FGF9: variants seen among roughly 807,000 people sequenced by gnomAD.
FGF9 encodes the protein fibroblast growth factor 9 (glia-activating factor).
Under a neutral mutation model 19.9 loss-of-function variants are expected in FGF9, and 3 were observed. That is an observed-to-expected ratio of 0.15 (90% confidence interval 0.07 to 0.39). FGF9 has a LOEUF of 0.39. FGF9 is among the 10% of genes least tolerant of loss of function. The pLI, the probability that FGF9 is intolerant of heterozygous loss-of-function variation, is 1.00. For synonymous variants in FGF9, 107 were observed against 106.9 expected, an observed-to-expected ratio of 1.00 and a Z score of -0.01; for missense variants, 175 against 256.8, an observed-to-expected ratio of 0.68 and a Z score of 2.18.
chr13:21,671,875 T>TA lies in FGF9; in HGVS notation c.-37dup, dbSNP rs752566182. ...ATATCTCCTGGGTTGACACCATCAT[T>TA]ATTGTTTATTCTTGTGCTCCAAAAG... On this transcript the variant is annotated 5_prime_UTR_variant, in exon 1 of 3. Coordinates refer to ENST00000382353, the MANE Select transcript of FGF9 (RefSeq NM_002010.3). 6.9e-4 allele frequency: 1,119 copies of TA among 1,613,478 alleles called. 1 individual carries two copies. The highest frequency in any genetic ancestry group is 9.2e-4 in the Non-Finnish European group (1,085 of 1,179,566).
At chr13:21,697,669 G>A (rs759007783) in intron 2 of FGF9, among the ~76,000 whole-genome samples, 17 of 151,998 alleles carry the variant, frequency 1.1e-4, no homozygotes, top group Non-Finnish European at 1.0e-4. Flanking sequence ...ACAATTTCAT[G>A]TTTCATTCTT....
At chr13:21,700,123 C>T (rs1012945463) in intron 2 of FGF9, among the ~76,000 whole-genome samples, 1 of 151,966 alleles carries the variant, frequency 6.6e-6, no homozygotes, top group Non-Finnish European at 1.5e-5. Context: ...TGAACCCCAG[C>T]TTTCATAAAG....
chr13:21,694,289 C>T (rs574301952), intron 2 of FGF9, among the ~76,000 whole-genome samples: 123 of 152,172 alleles, frequency 8.1e-4, no homozygotes, highest in Non-Finnish European at 1.0e-3. Context: ...GTTAATCTTT[C>T]GTTTTCTGTC....
Position 21,695,083 on chromosome 13 carries a change from CGTGTGT to C in FGF9, c.382-6079_382-6074del, listed in dbSNP as rs59076902. ...GAAGATGTGTGCGTGTGTGTGTGTGCGTGTGTGTGTGTGTGTGTGTGTGTGTGTGTG... is the reference window on the plus strand; with the variant it reads ...GAAGATGTGTGCGTGTGTGTGTGTGCGTGTGTGTGTGTGTGTGTGTGTGTG... On this transcript the variant is annotated intron_variant, in intron 2 of 2. Transcript: ENST00000382353. Among the ~76,000 whole-genome samples, 519 of 137,230 alleles carry C rather than the reference CGTGTGT, an allele frequency of 3.8e-3. 3 individuals are homozygous for C. The highest frequency in any genetic ancestry group is 0.013 in the African/African-American group (461 of 36,422). 90.0% of individuals were successfully genotyped at this position (137,230 alleles called of 152,430 possible).
intron 1 of FGF9, among the ~76,000 whole-genome samples, chr13:21,675,667 A>T (rs1425333911): frequency 1.3e-5 from 2 of 152,188 alleles, no homozygotes; most frequent in African/African-American, 4.8e-5. Flanking sequence ...AGAAAAGAGT[A>T]ACTGTAGGTG....
At chr13:21,692,710 C>T (rs2138143376) in intron 2 of FGF9, among the ~76,000 whole-genome samples, 1 of 152,278 alleles carries the variant, frequency 6.6e-6, no homozygotes, top group Non-Finnish European at 1.5e-5. Flanking sequence ...GACAGAAATG[C>T]TGTACTCACA....
chr13:21,680,176 C>G (rs1162198145), intron 1 of FGF9, among the ~76,000 whole-genome samples: 2 of 152,054 alleles, frequency 1.3e-5, no homozygotes, highest in Admixed American at 6.5e-5. Flanking sequence ...ATACAGCATT[C>G]CATGCCTACT....
At chr13:21,685,102 C>CA (rs1372556079) in intron 2 of FGF9, among the ~76,000 whole-genome samples, 1 of 152,070 alleles carries the variant, frequency 6.6e-6, no homozygotes, top group East Asian at 1.9e-4. Flanking sequence ...AAGAAACGGG[C>CA]AATGGTTGTG....
intron 2 of FGF9, among the ~76,000 whole-genome samples, chr13:21,696,738 TACATA>T (rs768187545): frequency 8.5e-5 from 13 of 152,352 alleles, no homozygotes; most frequent in Non-Finnish European, 1.3e-4. Context: ...GGAGTAGAAA[TACATA>T]ACATAAGTAT....
chr13:21,671,667 A>G lies in FGF9; in HGVS notation c.-246A>G, dbSNP rs1871769681. On this transcript the variant is annotated 5_prime_UTR_variant, in exon 1 of 3. It adds an upstream start codon to the 5' untranslated region. Transcript: ENST00000382353. Reference sequence around the variant, plus strand: ...GAGATACATAGATATGTTTATCAATATGTCAGTGTGTGAGTATAAAGTGGT... The same window carrying G: ...GAGATACATAGATATGTTTATCAATGTGTCAGTGTGTGAGTATAAAGTGGT... 1.3e-5 allele frequency: 8 copies of G among 606,386 alleles called. No homozygotes were observed. Among genetic ancestry groups the G allele is most frequent in the Non-Finnish European group, 2.9e-6 (1 of 342,302 alleles). The allele number at this position is 606,386 out of a possible 1,614,324, so 37.6% of individuals were successfully genotyped here. A position where few individuals can be genotyped will look rare whatever the true frequency, so the allele number is the denominator to read the frequency against.
chr13:21,674,623 G>A (rs1355620837), intron 1 of FGF9, among the ~76,000 whole-genome samples: 1 of 152,024 alleles, frequency 6.6e-6, no homozygotes, highest in East Asian at 2.0e-4. Context: ...TAGAACTCCG[G>A]TGCAGCACGA....
chr13:21,699,167 C>T (rs1353371956), intron 2 of FGF9, among the ~76,000 whole-genome samples: 2 of 152,200 alleles, frequency 1.3e-5, no homozygotes, highest in East Asian at 3.9e-4. Context: ...GAGGAGGGTG[C>T]AGGAGTGCCT....
intron 2 of FGF9, among the ~76,000 whole-genome samples, chr13:21,685,129 C>T (rs1872129609): frequency 6.6e-6 from 1 of 152,160 alleles, no homozygotes; most frequent in Non-Finnish European, 1.5e-5. Flanking sequence ...AATACACTAA[C>T]ATTTGGAGCC....
intron 1 of FGF9, among the ~76,000 whole-genome samples, chr13:21,678,702 C>T (rs1030745606): frequency 2.6e-5 from 4 of 152,280 alleles, no homozygotes; most frequent in Admixed American, 6.5e-5. Context: ...GCAGAAAGAT[C>T]ATCACATGCT....
chr13:21,687,373 T>C (rs1364625416), intron 2 of FGF9, among the ~76,000 whole-genome samples: 1 of 152,238 alleles, frequency 6.6e-6, no homozygotes, highest in Non-Finnish European at 1.5e-5. Context: ...TATTATGTTA[T>C]TTGAATATGT....
chr13:21,699,410 T>G (rs1248505583), intron 2 of FGF9, among the ~76,000 whole-genome samples: 1 of 152,224 alleles, frequency 6.6e-6, no homozygotes, highest in Non-Finnish European at 1.5e-5. Flanking sequence ...TGAGATAGTA[T>G]TTTGCTAAAA....
chr13:21,686,277 C>G (rs1222509973), intron 2 of FGF9, among the ~76,000 whole-genome samples: 3 of 152,172 alleles, frequency 2.0e-5, no homozygotes, highest in Non-Finnish European at 4.4e-5. Context: ...GATCTGCCAG[C>G]CTCACCCTTC....
At chr13:21,698,016 G>A (rs1872451980) in intron 2 of FGF9, among the ~76,000 whole-genome samples, 2 of 152,118 alleles carry the variant, frequency 1.3e-5, no homozygotes, top group Non-Finnish European at 2.9e-5. Flanking sequence ...CACCGTGTTA[G>A]CCAGGATGGT....
intron 2 of FGF9, among the ~76,000 whole-genome samples, chr13:21,687,953 C>T (rs1872198916): frequency 6.6e-6 from 1 of 152,082 alleles, no homozygotes; most frequent in Admixed American, 6.5e-5. Context: ...AACTTGTGGC[C>T]CCGCAGATTA....
Sources: allele counts gnomAD v4.1 joint callset (sites outside exome capture counted in the v4.1 genomes callset), GRCh38; gene constraint gnomAD v4.1.1; transcripts MANE v1.5; gene names NCBI Gene and HGNC (gene_info 2026-07-23, HGNC 2026-07-21).